Variants in FUT9 observed in about 807,000 individuals in gnomAD.
FUT9 encodes 4-galactosyl-N-acetylglucosaminide 3-alpha-L-fucosyltransferase 9.
FUT9 carries 15 observed loss-of-function variants against 29.7 expected under a neutral mutation model. The ratio of observed to expected loss-of-function variants is 0.51; its 90% CI spans 0.34 to 0.78. FUT9 has a LOEUF of 0.78. Among genes scored for constraint, FUT9 ranks in the 30% least tolerant of loss-of-function variants. The probability of loss-of-function intolerance (pLI) is 0.01; values close to 1 mark genes in which losing one functional copy is unlikely to be tolerated. For synonymous variants in FUT9, 169 were observed against 153.7 expected, an observed-to-expected ratio of 1.10 and a Z score of -0.74; for missense variants, 319 against 425.4, an observed-to-expected ratio of 0.75 and a Z score of 2.20.
chr6:96,084,760 T>C (rs1021523291), intron 1 of FUT9, among the ~76,000 whole-genome samples: 7 of 152,160 alleles, frequency 4.6e-5, no homozygotes, highest in African/African-American at 1.7e-4. Flanking sequence ...CTTAGCACAC[T>C]ATGGTCTTCA....
At chr6:96,112,019 A>T (rs1187568318) in intron 1 of FUT9, among the ~76,000 whole-genome samples, 2 of 152,168 alleles carry the variant, frequency 1.3e-5, no homozygotes, top group Admixed American at 6.5e-5. Flanking sequence ...TCTATAAAGC[A>T]TTTTATTATT....
At chr6:96,063,427 G>A (rs1467157045) in intron 1 of FUT9, among the ~76,000 whole-genome samples, 4 of 151,962 alleles carry the variant, frequency 2.6e-5, no homozygotes, top group African/African-American at 4.8e-5. Context: ...GAGTATGGGG[G>A]GCACACTTTA....
intron 2 of FUT9, among the ~76,000 whole-genome samples, chr6:96,177,117 C>G (rs1459827646): frequency 3.3e-5 from 5 of 152,156 alleles, no homozygotes; most frequent in Admixed American, 6.5e-5. Context: ...ATACTCCTCA[C>G]TTAGATCAAA....
intron 2 of FUT9, among the ~76,000 whole-genome samples, chr6:96,155,905 G>A (rs1400940050): frequency 1.3e-5 from 2 of 152,062 alleles, no homozygotes; most frequent in East Asian, 3.9e-4. Context: ...CCCAGTTTGT[G>A]GTATTTTGTT....
At chr6:96,067,601 C>T (rs1157487459) in intron 1 of FUT9, among the ~76,000 whole-genome samples, 1 of 151,928 alleles carries the variant, frequency 6.6e-6, no homozygotes, top group East Asian at 1.9e-4. Flanking sequence ...ATGCAAGAGA[C>T]CAGATTGACA....
intron 1 of FUT9, among the ~76,000 whole-genome samples, chr6:96,104,152 G>A (rs1270496624): frequency 6.6e-6 from 1 of 152,020 alleles, no homozygotes; most frequent in African/African-American, 2.4e-5. Context: ...AGCATTCCTA[G>A]TAACTGCTTT....
chr6:96,068,323 G>A (rs903702106), intron 1 of FUT9, among the ~76,000 whole-genome samples: 1 of 152,090 alleles, frequency 6.6e-6, no homozygotes, highest in Non-Finnish European at 1.5e-5. Context: ...CAATACTTAA[G>A]GAATGAGTAG....
At chr6:96,035,845 T>C (rs1222067619) in intron 1 of FUT9, among the ~76,000 whole-genome samples, 2 of 129,160 alleles carry the variant, frequency 1.5e-5, no homozygotes, top group Non-Finnish European at 3.2e-5. Flanking sequence ...ATTAATATAA[T>C]ATATTATGTT....
intron 1 of FUT9, among the ~76,000 whole-genome samples, chr6:96,082,662 A>C (rs1469084400): frequency 6.6e-6 from 1 of 151,858 alleles, no homozygotes; most frequent in Non-Finnish European, 1.5e-5. Flanking sequence ...TTCTATATGC[A>C]TTTTAAAAAT....
Position 96,203,509 on chromosome 6 carries a change from A to C in FUT9, c.354A>C (p.Thr118=). 6.2e-7 allele frequency: 1 copy of C among 1,613,150 alleles called. No individual in the cohort carries two copies. ...ACCGAGACATCAGTTGGGATCTGAC[A>C]AATTTACCTCAGCAAGCTAGGCCAC... The part of the protein sequence containing the change: ...IHHRDISWDL[T]NLPQQARPPF... The change falls in exon 3 of 3, where the codon ACA becomes ACC. Residue 118 remains threonine (T), a synonymous_variant. Coordinates refer to ENST00000302103, the MANE Select transcript of FUT9 (RefSeq NM_006581.4).
rs554745876 is a variant in FUT9, at chr6:96,020,302, C to A, written c.-98+4090C>A. 2.0e-5 allele frequency among the ~76,000 whole-genome samples: 3 copies of A among 152,158 alleles called. No individual in the cohort carries two copies. In the South Asian group the frequency reaches 6.2e-4, roughly 32 times the overall value. On this transcript the variant is annotated intron_variant, in intron 1 of 2. Coordinates refer to ENST00000302103, the MANE Select transcript of FUT9 (RefSeq NM_006581.4). The stretch of plus-strand genomic sequence containing the variant: ...TATAGACAATTGACTGAAAAATATT[C>A]CTAAAATAACAGATTTTAGTTTCTG...
rs1771239908 is a variant in FUT9 at position 96,081,661 on chromosome 6, A to G, written c.-97-32378A>G. Among the ~76,000 whole-genome samples the G allele has an allele frequency of 2.6e-5, 4 of 152,016 alleles. No homozygotes were observed. The South Asian group carries it at 8.3e-4, about 31-fold the overall frequency. ...ATTCTGGTAATAGTCTATTGTAAGT[A>G]TGTGCGAGAGGTTCTACAAAGTACA... On this transcript the variant is annotated intron_variant, in intron 1 of 2. Transcript: ENST00000302103.
chr6:96,150,250 G>C (rs1772651176), intron 2 of FUT9, among the ~76,000 whole-genome samples: 1 of 152,162 alleles, frequency 6.6e-6, no homozygotes, highest in South Asian at 2.1e-4. Context: ...AGTGATTCCA[G>C]CTGGAGCAAT....
At chr6:96,084,829 C>T (rs961079014) in intron 1 of FUT9, among the ~76,000 whole-genome samples, 3 of 152,126 alleles carry the variant, frequency 2.0e-5, no homozygotes, top group East Asian at 3.9e-4. Context: ...CAGACATTTA[C>T]TCTAATGTTT....
chr6:96,032,220 T>C (rs1459928250), intron 1 of FUT9, among the ~76,000 whole-genome samples: 1 of 151,670 alleles, frequency 6.6e-6, no homozygotes, highest in Non-Finnish European at 1.5e-5. Flanking sequence ...GGAGTCGTAC[T>C]TATTTTGTTA....
chr6:96,196,129 G>T (rs1773620355), intron 2 of FUT9, among the ~76,000 whole-genome samples: 1 of 152,138 alleles, frequency 6.6e-6, no homozygotes, highest in South Asian at 2.1e-4. Flanking sequence ...TTGCCAGTGT[G>T]GGAATAGAGA....
At chr6:96,153,050 T>G (rs1172352562) in intron 2 of FUT9, among the ~76,000 whole-genome samples, 1 of 152,304 alleles carries the variant, frequency 6.6e-6, no homozygotes. Flanking sequence ...AAACCAGTAA[T>G]TCTTCTCATC....
At chr6:96,181,656 C>T (rs1773311368) in intron 2 of FUT9, among the ~76,000 whole-genome samples, 1 of 151,928 alleles carries the variant, frequency 6.6e-6, no homozygotes, top group Admixed American at 6.6e-5. Context: ...TTAGCTCCCA[C>T]TTATGAGTGA....
intron 1 of FUT9, among the ~76,000 whole-genome samples, chr6:96,047,330 T>C (rs893649359): frequency 6.6e-6 from 1 of 152,208 alleles, no homozygotes; most frequent in African/African-American, 2.4e-5. Context: ...TTCATTGGCT[T>C]CACAGGACAT....
Sources: allele counts gnomAD v4.1 joint callset (sites outside exome capture counted in the v4.1 genomes callset), GRCh38; gene constraint gnomAD v4.1.1; transcripts MANE v1.5; gene names NCBI Gene and HGNC (gene_info 2026-07-23, HGNC 2026-07-21).